Variants in OIT3 observed in about 807,000 individuals in gnomAD.
The protein encoded by OIT3 is oncoprotein-induced transcript 3 protein.
In OIT3, 41 loss-of-function variants were observed where a neutral mutation model predicts 52.2. That is an observed-to-expected ratio of 0.79 (90% CI 0.61 to 1.02). The LOEUF (loss-of-function observed/expected upper bound fraction) is 1.02, where lower values mean the gene tolerates loss of function less well. Among genes scored for constraint, OIT3 ranks in the 50% least tolerant of loss-of-function variants. The pLI is 0.00. For synonymous variants in OIT3, 244 were observed against 276.9 expected (o/e 0.88, Z 1.18); for missense variants, 634 against 715.5 (o/e 0.89, Z 1.30).
chr10:72,924,284 C>A lies in OIT3; in HGVS notation c.1007C>A (p.Thr336Asn). 2 of 1,613,454 alleles carry A rather than the reference C, an allele frequency of 1.2e-6. No homozygotes were observed. The highest frequency in any genetic ancestry group is 1.7e-6 in the Non-Finnish European group (2 of 1,179,644). The change falls in exon 7 of 9, where the codon ACC becomes AAC. Residue 336 changes from threonine to asparagine, a missense_variant. Thr to Asn is a moderately conservative substitution (Grantham distance 65). Transcript: ENST00000334011. ...SNLVTGLPKQ[T>N]PGSSGDFIIR... ...CTCGTGACAGGTCTACCCAAGCAGACCCCGGGGAGCAGCGGGGACTTCATC... is the reference window on the plus strand; with the variant it reads ...CTCGTGACAGGTCTACCCAAGCAGAACCCGGGGAGCAGCGGGGACTTCATC...
At chr10:72,907,498 T>C (rs1055192567) in intron 4 of OIT3, among the ~76,000 whole-genome samples, 4 of 152,162 alleles carry the variant, frequency 2.6e-5, no homozygotes, top group African/African-American at 4.8e-5. Flanking sequence ...GACAGCTGTG[T>C]TTCCCAAACT....
At chr10:72,900,305 CA>C in intron 2 of OIT3, 71 bp from the exon 3 acceptor site, 1 of 844,624 alleles carries the variant, frequency 1.2e-6, no homozygotes. Flanking sequence ...CCCCCCGCAC[CA>C]TCTCTAAAAA....
intron 2 of OIT3, among the ~76,000 whole-genome samples, chr10:72,899,595 CAAAAAAAAAA>C (rs57434990): frequency 3.4e-5 from 3 of 88,978 alleles, no homozygotes; most frequent in Admixed American, 1.4e-4. Flanking sequence ...GACTCTGATT[CAAAAAAAAAA>C]AAAAAAGAAA....
chr10:72,903,917 C>A (rs1845954903), intron 3 of OIT3, among the ~76,000 whole-genome samples: 1 of 152,018 alleles, frequency 6.6e-6, no homozygotes, highest in Non-Finnish European at 1.5e-5. Context: ...AGGAGACCAC[C>A]CCTCATATTG....
chr10:72,930,605 C>T lies in OIT3; in HGVS notation c.1435C>T (p.Pro479Ser), dbSNP rs2132952161. 4 of 1,613,468 alleles carry T rather than the reference C, an allele frequency of 2.5e-6. No individual in the cohort carries two copies. The East Asian group carries it at 8.9e-5, about 36-fold the overall frequency. The change falls in exon 8 of 9, where the codon CCT (proline) becomes TCT (serine). Residue 479 changes from proline (P) to serine (S), a missense_variant. Coordinates refer to ENST00000334011, the MANE Select transcript of OIT3 (RefSeq NM_152635.3). ...TCACCTAGCAAAGCACTTCCAGGTC[C>T]CTGTCTTCAAGTTTGTGGGCAAAGA... The part of the protein sequence containing the change: ...RDHLAKHFQV[P>S]VFKFVGKDHK...
At chr10:72,929,360 GAA>G (rs1428257189) in intron 7 of OIT3, among the ~76,000 whole-genome samples, 1 of 138,422 alleles carries the variant, frequency 7.2e-6, no homozygotes. Context: ...ACTATGTCCA[GAA>G]AAAAAAAAAA....
intron 8 of OIT3, among the ~76,000 whole-genome samples, 175 bp downstream of exon 8, chr10:72,930,812 G>T (rs532157157): frequency 6.6e-6 from 1 of 150,902 alleles, no homozygotes; most frequent in African/African-American, 2.4e-5. Context: ...TGTCACACCC[G>T]CCCTGCCTGC....
Position 72,905,985 on chromosome 10 carries a change from C to T in OIT3, c.545-611C>T, listed in dbSNP as rs1461545900. Among the ~76,000 whole-genome samples the T allele has an allele frequency of 1.3e-5, 2 of 152,248 alleles. 1 individual carries two copies. Among genetic ancestry groups the T allele is most frequent in the South Asian group, 4.1e-4 (2 of 4,826 alleles). On this transcript the variant is annotated intron_variant, in intron 3 of 8. Coordinates refer to ENST00000334011, the MANE Select transcript of OIT3 (RefSeq NM_152635.3). ...AATTTAGCTCCCAAGCTTCCTTTTCCTTGTTTGTAGAAAGAAAAGCATAGA... is the reference window on the plus strand; with the variant it reads ...AATTTAGCTCCCAAGCTTCCTTTTCTTTGTTTGTAGAAAGAAAAGCATAGA...
At chr10:72,923,784 G>A (rs919720908) in intron 6 of OIT3, among the ~76,000 whole-genome samples, 2 of 152,158 alleles carry the variant, frequency 1.3e-5, no homozygotes, top group Non-Finnish European at 2.9e-5. Flanking sequence ...CCATGCTGGG[G>A]TACTGCTTCC....
At chr10:72,930,159 A>C (rs1472536542) in intron 7 of OIT3, among the ~76,000 whole-genome samples, 4 of 152,212 alleles carry the variant, frequency 2.6e-5, no homozygotes, top group Non-Finnish European at 5.9e-5. Context: ...AGCCTTCTCA[A>C]ATCAATACTA....
intron 2 of OIT3, 94 bp downstream of exon 2, chr10:72,899,132 C>A (rs773251306): frequency 2.7e-5 from 30 of 1,100,504 alleles, no homozygotes; most frequent in Non-Finnish European, 3.8e-5. Flanking sequence ...ACAGTGGCAA[C>A]TATATCTCAA....
intron 6 of OIT3, among the ~76,000 whole-genome samples, chr10:72,920,047 G>A (rs187400367): frequency 2.2e-4 from 33 of 152,264 alleles, no homozygotes; most frequent in East Asian, 5.8e-4. Context: ...TGTACAGGGG[G>A]TAGAATTCAG....
intron 2 of OIT3, 24 bp from the exon 3 acceptor site, chr10:72,900,353 A>T (rs1210072108): frequency 7.5e-7 from 1 of 1,331,140 alleles, no homozygotes; most frequent in Admixed American, 1.7e-5. Context: ...TGCCCTCATG[A>T]AGATAATCTT....
intron 6 of OIT3, chr10:72,917,902 A>G: frequency 8.3e-7 from 1 of 1,208,016 alleles, no homozygotes. Flanking sequence ...TTCTGATTTG[A>G]CTTCTGTACA....
intron 3 of OIT3, among the ~76,000 whole-genome samples, chr10:72,905,386 G>T (rs757152600): frequency 6.6e-6 from 1 of 152,154 alleles, no homozygotes; most frequent in East Asian, 1.9e-4. Context: ...CAGGAGTATC[G>T]CTTGAACCTG....
At position 72,906,710 on chromosome 10, in the gene OIT3, C is replaced by G. The variant is rs1482624252; in HGVS notation, c.659C>G (p.Thr220Ser). Residue 220 changes from threonine (T) to serine (S), a missense_variant, in exon 4 of 9, where the codon ACT (threonine) becomes AGT (serine). Transcript: ENST00000334011. ...VGRVLRSDGK[T>S]CEDVEGCHNN... is the part of the protein sequence containing the mutation. Reference sequence around the variant, plus strand: ...CGTGTGCTAAGAAGTGATGGCAAGACTTGTGAAGGTGAGAATGGGCAAAAA... The same window carrying G: ...CGTGTGCTAAGAAGTGATGGCAAGAGTTGTGAAGGTGAGAATGGGCAAAAA... The G allele has an allele frequency of 5.7e-6, 9 of 1,581,080 alleles. No individual in the cohort carries two copies. Among genetic ancestry groups the G allele is most frequent in the Non-Finnish European group, 6.9e-6 (8 of 1,164,452 alleles).
chr10:72,932,468 G>C lies in OIT3; in HGVS notation c.1582G>C (p.Gly528Arg), dbSNP rs780018350. 1.2e-6 allele frequency: 2 copies of C among 1,613,874 alleles called. No individual in the cohort carries two copies. The highest frequency in any genetic ancestry group is 4.5e-5 in the East Asian group (2 of 44,874). The stretch of plus-strand genomic sequence containing the variant: ...TGGGGCAGGAGGAGAGGACTCAGCC[G>C]GTCTACAGGGCCAGACGCTAACAGG... ...RRGAGGEDSA[G>R]LQGQTLTGGP... Residue 528 changes from glycine (G) to arginine (R), a missense_variant, in exon 9 of 9, where the codon GGT becomes CGT. By Grantham distance (125) the Gly-to-Arg change is moderately radical. Transcript: ENST00000334011.
intron 7 of OIT3, among the ~76,000 whole-genome samples, chr10:72,929,279 G>A (rs1846194678): frequency 6.6e-6 from 1 of 151,676 alleles, no homozygotes; most frequent in Non-Finnish European, 1.5e-5. Context: ...AGTTTAATCG[G>A]CTTTAATATC....
chr10:72,901,207 A>G (rs1405767209), intron 3 of OIT3, among the ~76,000 whole-genome samples: 2 of 152,164 alleles, frequency 1.3e-5, no homozygotes, highest in African/African-American at 4.8e-5. Flanking sequence ...ACTACTAAAA[A>G]ATTTTAAATA....
Sources: allele counts gnomAD v4.1 joint callset (sites outside exome capture counted in the v4.1 genomes callset), GRCh38; gene constraint gnomAD v4.1.1; transcripts MANE v1.5; gene names NCBI Gene and HGNC (gene_info 2026-07-23, HGNC 2026-07-21).